The following NXPE2 variants were observed in gnomAD, a reference collection of about 807,000 sequenced individuals.
NXPE2 encodes NXPE family member 2.
A neutral mutation model predicts 34.4 loss-of-function variants in NXPE2; 34 were observed. That is an observed-to-expected ratio of 0.99 (90% confidence interval 0.75 to 1.31). The LOEUF (loss-of-function observed/expected upper bound fraction) is 1.31, where lower values mean the gene tolerates loss of function less well. NXPE2 is among the 40% of genes most tolerant of loss of function. NXPE2 has a pLI of 0.00. For missense variants in NXPE2, 649 were observed against 672.5 expected, an observed-to-expected ratio of 0.97 and a Z score of 0.39; for synonymous variants, 235 against 231.3, an observed-to-expected ratio of 1.02 and a Z score of -0.15.
At chr11:114,777,114 GCTT>G in the NXPE2 span, among the ~76,000 whole-genome samples, 2 of 152,174 alleles carry the variant, frequency 1.3e-5, no homozygotes, top group Non-Finnish European at 2.9e-5. Flanking sequence ...TGAAGGACTT[GCTT>G]CTTATCGCAG....
At chr11:114,593,450 A>G in the NXPE2 span, among the ~76,000 whole-genome samples, 4 of 152,204 alleles carry the variant, frequency 2.6e-5, no homozygotes, top group African/African-American at 9.6e-5. Flanking sequence ...TCATCAGAGA[A>G]ACACAAATCA....
chr11:114,505,469 C>G, the NXPE2 span, among the ~76,000 whole-genome samples: 14 of 152,148 alleles, frequency 9.2e-5, no homozygotes, highest in African/African-American at 2.9e-4. Context: ...TTAAAGGCAG[C>G]CAGAGAGAAA....
chr11:114,485,568 A>G, the NXPE2 span, among the ~76,000 whole-genome samples: 2 of 151,920 alleles, frequency 1.3e-5, no homozygotes, highest in East Asian at 1.9e-4. Flanking sequence ...ATTGTTGACT[A>G]TAGTCACCCT....
At chr11:114,812,817 G>T in the NXPE2 span, among the ~76,000 whole-genome samples, 1 of 152,094 alleles carries the variant, frequency 6.6e-6, no homozygotes, top group Non-Finnish European at 1.5e-5. Flanking sequence ...GGCAAGAGAA[G>T]AGGAAGTGGG....
the NXPE2 span, among the ~76,000 whole-genome samples, chr11:114,468,996 G>A: frequency 6.6e-6 from 1 of 151,554 alleles, no homozygotes; most frequent in Non-Finnish European, 1.5e-5. Flanking sequence ...TAACAAAAAG[G>A]CAAAATTCAC....
the NXPE2 span, chr11:114,582,446 G>A: frequency 6.2e-7 from 1 of 1,614,198 alleles, no homozygotes; most frequent in Non-Finnish European, 8.5e-7. Context: ...CAGCATTTGT[G>A]TTTAGGATCA....
chr11:114,770,591 T>A, the NXPE2 span, among the ~76,000 whole-genome samples: 1 of 152,234 alleles, frequency 6.6e-6, no homozygotes, highest in African/African-American at 2.4e-5. Flanking sequence ...TATCACCAAA[T>A]GCAGGGCTTT....
At chr11:114,790,674 G>A in the NXPE2 span, among the ~76,000 whole-genome samples, 9 of 152,180 alleles carry the variant, frequency 5.9e-5, no homozygotes, top group Non-Finnish European at 8.8e-5. Flanking sequence ...ATGGGGACAA[G>A]TCAGGCAGAC....
chr11:114,662,388 A>G, the NXPE2 span, among the ~76,000 whole-genome samples: 20 of 152,144 alleles, frequency 1.3e-4, no homozygotes, highest in African/African-American at 4.8e-4. Flanking sequence ...GGGTTGTTGG[A>G]ACTTGAGTTC....
chr11:114,490,059 A>G, the NXPE2 span, among the ~76,000 whole-genome samples: 68 of 152,232 alleles, frequency 4.5e-4, no homozygotes, highest in African/African-American at 1.3e-3. Flanking sequence ...TTATACACCA[A>G]TAACAGACAA....
At chr11:114,652,523 A>G in the NXPE2 span, among the ~76,000 whole-genome samples, 2 of 152,214 alleles carry the variant, frequency 1.3e-5, no homozygotes, top group African/African-American at 4.8e-5. Context: ...ATTCATCTCT[A>G]AGGGCTGTTT....
chr11:114,739,372 CT>C, the NXPE2 span, among the ~76,000 whole-genome samples: 1 of 41,178 alleles, frequency 2.4e-5, no homozygotes, highest in Non-Finnish European at 5.0e-5. Flanking sequence ...CCCTCCCTCC[CT>C]CACTCACTCC....
At chr11:114,551,996 T>C in the NXPE2 span, 1 of 152,308 alleles carries the variant, frequency 6.6e-6, no homozygotes, top group African/African-American at 2.4e-5. Context: ...GAAGTCTCAA[T>C]TGTGTGAAAG....
the NXPE2 span, among the ~76,000 whole-genome samples, chr11:114,761,047 T>A: frequency 2.0e-5 from 3 of 152,198 alleles, no homozygotes; most frequent in Non-Finnish European, 4.4e-5. Flanking sequence ...TCTTGTCAAG[T>A]GCAGTTAGGG....
the NXPE2 span, among the ~76,000 whole-genome samples, chr11:114,743,793 ATATGTGTGTGTGTG>A: frequency 1.1e-4 from 16 of 148,122 alleles, no homozygotes; most frequent in African/African-American, 3.5e-4. Context: ...TATATTATGT[ATATGTGTGTGTGTG>A]TATGTGTGTG....
At chr11:114,596,285 A>C in the NXPE2 span, among the ~76,000 whole-genome samples, 1 of 152,198 alleles carries the variant, frequency 6.6e-6, no homozygotes, top group Non-Finnish European at 1.5e-5. Flanking sequence ...GTTTGAATCC[A>C]TCTGGGATTT....
chr11:114,768,309 T>C, the NXPE2 span, among the ~76,000 whole-genome samples: 2 of 152,230 alleles, frequency 1.3e-5, no homozygotes, highest in Non-Finnish European at 2.9e-5. Context: ...TTTTGGTTAC[T>C]GTGGCCTTGT....
chr11:114,807,993 C>T, the NXPE2 span, among the ~76,000 whole-genome samples: 2 of 152,208 alleles, frequency 1.3e-5, no homozygotes, highest in African/African-American at 4.8e-5. Context: ...AACAAACTGT[C>T]TCTCAGACCA....
the NXPE2 span, among the ~76,000 whole-genome samples, chr11:114,577,161 C>CATATAT: frequency 7.4e-3 from 994 of 134,564 alleles, 7 homozygotes; most frequent in South Asian, 0.017. Flanking sequence ...ATATATGTGT[C>CATATAT]ATATATATAT....
Sources: gnomAD v4.1 joint callset for allele counts (sites outside exome capture counted in the v4.1 genomes callset) on GRCh38, gnomAD v4.1.1 for gene constraint, MANE v1.5 for transcripts, NCBI Gene and HGNC (gene_info 2026-07-23, HGNC 2026-07-21) for gene names.